Variants in KCNN2 observed in about 807,000 individuals in gnomAD.
KCNN2 encodes small conductance calcium-activated potassium channel protein 2.
Under a neutral mutation model 55.5 loss-of-function variants are expected in KCNN2, and 24 were observed. That is an observed-to-expected ratio of 0.43 (90% CI 0.31 to 0.61). KCNN2 has a LOEUF of 0.61. Ranked by LOEUF, KCNN2 falls within the 20% of genes least tolerant of loss-of-function variation. KCNN2 has a pLI of 0.08. For missense variants in KCNN2, 754 were observed against 853.6 expected, an observed-to-expected ratio of 0.88 and a Z score of 1.45; for synonymous variants, 431 against 336.1, an observed-to-expected ratio of 1.28 and a Z score of -3.09.
chr5:114,080,158 G>A (rs1032572961), intron 1 of KCNN2, among the ~76,000 whole-genome samples: 2 of 152,146 alleles, frequency 1.3e-5, no homozygotes, highest in Non-Finnish European at 2.9e-5. Flanking sequence ...TCTTCACAGT[G>A]CCAGACTCTA....
In KCNN2 at chr5:114,272,935, C is replaced by T. The variant is rs117381997; in HGVS notation, c.-185+51370C>T. Among the ~76,000 whole-genome samples the T allele has an allele frequency of 6.5e-4, 99 of 152,086 alleles. No individual in the cohort carries two copies. The East Asian group carries it at 0.013, about 20-fold the overall frequency. ...GTTACATGTACAGAATGTGCAGTTT[C>T]GTTACATAGGTATACACGTGCCATG... On this transcript the variant is annotated intron_variant, in intron 2 of 10. Transcript: ENST00000512097.
At chr5:114,161,471 T>C (rs1436880881) in intron 1 of KCNN2, among the ~76,000 whole-genome samples, 4 of 151,136 alleles carry the variant, frequency 2.6e-5, no homozygotes, top group African/African-American at 9.7e-5. Flanking sequence ...AATCTGACAA[T>C]TATGTGTCTT....
In KCNN2 at chr5:114,473,165, G is replaced by A; in HGVS notation, c.1890+1G>A. 1 of 1,523,042 alleles carries A rather than the reference G, an allele frequency of 6.6e-7. No homozygotes were observed. Among genetic ancestry groups the A allele is most frequent in the Non-Finnish European group, 9.1e-7 (1 of 1,099,970 alleles). The allele number at this position is 1,523,042 out of a possible 1,614,324, so 94.3% of individuals were successfully genotyped here. ...GATGGATACTCAGCTGACTAAAAGA[G>A]TAAGTTACTATCCATATATCTTCAA... On this transcript the variant is annotated splice_donor_variant, in intron 5 of 7. Coordinates refer to ENST00000673685, the MANE Select transcript of KCNN2 (RefSeq NM_021614.4). LOFTEE classifies it high-confidence loss of function.
At chr5:114,127,936 C>T (rs189549734) in intron 1 of KCNN2, among the ~76,000 whole-genome samples, 136 of 152,238 alleles carry the variant, frequency 8.9e-4, no homozygotes, top group Middle Eastern at 6.8e-3. Context: ...CAACAAGTTT[C>T]TTATCTCCAT....
intron 2 of KCNN2, among the ~76,000 whole-genome samples, chr5:114,381,775 T>C (rs1561597884): frequency 6.6e-6 from 1 of 152,200 alleles, no homozygotes; most frequent in Non-Finnish European, 1.5e-5. Context: ...TGGTTTTCTG[T>C]GGCTATGCTT....
At chr5:114,422,131 AGAAAGC>A (rs1561375012) in intron 3 of KCNN2, among the ~76,000 whole-genome samples, 1 of 152,248 alleles carries the variant, frequency 6.6e-6, no homozygotes, top group South Asian at 2.1e-4. Flanking sequence ...TGAGTTAATC[AGAAAGC>A]GAACTTGTGC....
At chr5:114,275,609 G>A (rs1357678153) in intron 2 of KCNN2, among the ~76,000 whole-genome samples, 4 of 152,082 alleles carry the variant, frequency 2.6e-5, no homozygotes, top group African/African-American at 7.2e-5. Flanking sequence ...AGATTTTCTA[G>A]TTTATTTGCG....
intron 2 of KCNN2, among the ~76,000 whole-genome samples, chr5:114,223,136 G>A (rs947602744): frequency 1.3e-5 from 2 of 152,116 alleles, no homozygotes; most frequent in African/African-American, 2.4e-5. Context: ...TTTAGGTCAA[G>A]AGTTAAAGAA....
intron 2 of KCNN2, among the ~76,000 whole-genome samples, chr5:114,284,099 C>T (rs3101065): frequency 2.6e-5 from 4 of 152,070 alleles, no homozygotes; most frequent in Admixed American, 6.6e-5. Flanking sequence ...AACTCCACCC[C>T]TCTCAGGTGC....
chr5:114,107,119 C>T (rs974607964), intron 1 of KCNN2, among the ~76,000 whole-genome samples: 1 of 152,044 alleles, frequency 6.6e-6, no homozygotes, highest in African/African-American at 2.4e-5. Context: ...ATATGATTAT[C>T]CAATTAATCA....
At chr5:114,151,347 C>T (rs1752520060) in intron 1 of KCNN2, among the ~76,000 whole-genome samples, 1 of 152,100 alleles carries the variant, frequency 6.6e-6, no homozygotes, top group Non-Finnish European at 1.5e-5. Context: ...CAGGTACCCC[C>T]AGCCCCTTCT....
At chr5:114,103,937 CAT>C in intron 1 of KCNN2, among the ~76,000 whole-genome samples, 1 of 152,040 alleles carries the variant, frequency 6.6e-6, no homozygotes, top group Non-Finnish European at 1.5e-5. Flanking sequence ...ATGCTGGCCT[CAT>C]AAAAAGAGTT....
intron 1 of KCNN2, among the ~76,000 whole-genome samples, chr5:114,174,150 A>G (rs370581195): frequency 2.6e-5 from 4 of 152,270 alleles, no homozygotes; most frequent in African/African-American, 7.2e-5. Context: ...CAGTTGAAGT[A>G]AAACGATCAA....
chr5:114,145,608 A>G (rs1172740197), intron 1 of KCNN2, among the ~76,000 whole-genome samples: 1 of 152,162 alleles, frequency 6.6e-6, no homozygotes, highest in African/African-American at 2.4e-5. Flanking sequence ...CTAAAGTGAT[A>G]TTGAAAGGGG....
chr5:114,162,998 C>T (rs1216328486), intron 1 of KCNN2, among the ~76,000 whole-genome samples: 5 of 152,144 alleles, frequency 3.3e-5, no homozygotes, highest in African/African-American at 1.2e-4. Context: ...CGGTGCACTG[C>T]ACCCACTGTT....
chr5:114,465,670 A>ATGT (rs1423969959), intron 4 of KCNN2, among the ~76,000 whole-genome samples: 2 of 152,212 alleles, frequency 1.3e-5, no homozygotes, highest in East Asian at 3.9e-4. Flanking sequence ...GGACACAAAA[A>ATGT]TGTTATATGT....
chr5:114,309,345 C>T (rs2150025371), intron 2 of KCNN2, among the ~76,000 whole-genome samples: 1 of 152,240 alleles, frequency 6.6e-6, no homozygotes, highest in South Asian at 2.1e-4. Context: ...CTTTATTGCT[C>T]ACGGGAAGCA....
chr5:114,460,633 T>G (rs1761149027), intron 3 of KCNN2, among the ~76,000 whole-genome samples: 1 of 152,176 alleles, frequency 6.6e-6, no homozygotes, highest in South Asian at 2.1e-4. Context: ...CCAGGCACAT[T>G]TTCTAAGTGT....
At chr5:114,353,912 T>A (rs1410205323) in intron 2 of KCNN2, among the ~76,000 whole-genome samples, 3 of 152,006 alleles carry the variant, frequency 2.0e-5, no homozygotes, top group Admixed American at 1.3e-4. Context: ...ATTGCTTTAG[T>A]TTATCCTAAA....
Sources: allele counts gnomAD v4.1 joint callset (sites outside exome capture counted in the v4.1 genomes callset), GRCh38; gene constraint gnomAD v4.1.1; transcripts MANE v1.5; gene names NCBI Gene and HGNC (gene_info 2026-07-23, HGNC 2026-07-21).